The following PPARGC1A variants were observed in gnomAD, a reference collection of about 807,000 sequenced individuals.
The protein encoded by PPARGC1A is peroxisome proliferator-activated receptor gamma coactivator 1-alpha.
PPARGC1A carries 25 observed loss-of-function variants against 88.7 expected under a neutral mutation model. That is an observed-to-expected ratio of 0.28 (90% CI 0.21 to 0.39). PPARGC1A has a LOEUF of 0.39. Ranked by LOEUF, PPARGC1A falls within the 10% of genes least tolerant of loss-of-function variation. The pLI, the probability that PPARGC1A is intolerant of heterozygous loss-of-function variation, is 1.00. For synonymous variants in PPARGC1A, 363 were observed against 355.6 expected, an observed-to-expected ratio of 1.02 and a Z score of -0.24; for missense variants, 880 against 968.7, an observed-to-expected ratio of 0.91 and a Z score of 1.22.
chr4:24,138,207 C>A, the PPARGC1A span, among the ~76,000 whole-genome samples: 1 of 152,202 alleles, frequency 6.6e-6, no homozygotes, highest in Non-Finnish European at 1.5e-5. Context: ...GACAGGGCCA[C>A]CTGGTCATGC....
chr4:24,295,857 A>T, the PPARGC1A span, among the ~76,000 whole-genome samples: 6 of 151,298 alleles, frequency 4.0e-5, no homozygotes, highest in Admixed American at 1.3e-4. Context: ...TGACATTGTC[A>T]TCAAGAATGT....
intron 2 of PPARGC1A, chr4:23,866,122 C>A (rs1435307017): frequency 6.6e-6 from 1 of 152,162 alleles, no homozygotes; most frequent in Non-Finnish European, 1.5e-5. Flanking sequence ...CCAGGAATAG[C>A]CAGCCTAGTG....
the PPARGC1A span, among the ~76,000 whole-genome samples, chr4:24,417,091 A>G: frequency 6.6e-6 from 1 of 152,018 alleles, no homozygotes; most frequent in African/African-American, 2.4e-5. Context: ...CTCAAGTAAC[A>G]GTGACAACTG....
the PPARGC1A span, among the ~76,000 whole-genome samples, chr4:24,436,398 G>A: frequency 3.9e-5 from 6 of 152,352 alleles, no homozygotes; most frequent in African/African-American, 9.6e-5. Flanking sequence ...GGTGGCCAAC[G>A]AGTTGACATC....
Position 23,828,617 on chromosome 4 carries a change from G to A in PPARGC1A, c.553-13C>T. 6.2e-7 allele frequency: 1 copy of A among 1,612,804 alleles called. No individual in the cohort carries two copies. Among genetic ancestry groups the A allele is most frequent in the East Asian group, 2.2e-5 (1 of 44,858 alleles). On this transcript the variant is annotated splice_polypyrimidine_tract_variant and intron_variant, in intron 4 of 12. Transcript: ENST00000264867. ...ATGAATTCTCAGTCTTAAAAACAAG[G>A]CATAAAGAAAGCTAAAATTAGTGAA... is the stretch of plus-strand genomic sequence containing the variant.
chr4:23,936,732 G>A, the PPARGC1A span, among the ~76,000 whole-genome samples: 8 of 152,062 alleles, frequency 5.3e-5, no homozygotes, highest in African/African-American at 1.9e-4. Context: ...TTAACTAGGC[G>A]TCTTGGTGCG....
At chr4:24,068,664 C>A in the PPARGC1A span, among the ~76,000 whole-genome samples, 2 of 152,150 alleles carry the variant, frequency 1.3e-5, no homozygotes, top group African/African-American at 2.4e-5. Flanking sequence ...TCACACAGAC[C>A]TGGCCTAAAT....
At chr4:24,350,162 G>A in the PPARGC1A span, among the ~76,000 whole-genome samples, 4 of 152,214 alleles carry the variant, frequency 2.6e-5, no homozygotes, top group African/African-American at 7.2e-5. Flanking sequence ...TGTCTCCCAG[G>A]AGCAGTCTGC....
intron 2 of PPARGC1A, among the ~76,000 whole-genome samples, chr4:23,873,529 T>A (rs1471447140): frequency 1.3e-5 from 2 of 152,112 alleles, no homozygotes; most frequent in Non-Finnish European, 2.9e-5. Flanking sequence ...GGTCTCTGAG[T>A]TTCTCCGTAG....
chr4:23,894,951 T>A (rs770105392), upstream of PPARGC1A, among the ~76,000 whole-genome samples: 1 of 152,148 alleles, frequency 6.6e-6, no homozygotes, highest in African/African-American at 2.4e-5. Context: ...CAATAAATGT[T>A]CAATAGGATT....
At chr4:24,102,227 A>G in the PPARGC1A span, among the ~76,000 whole-genome samples, 1 of 152,328 alleles carries the variant, frequency 6.6e-6, no homozygotes, top group Middle Eastern at 3.4e-3. Flanking sequence ...AGTTTCTAAA[A>G]TGTTTCACTT....
At chr4:24,331,935 G>T in the PPARGC1A span, among the ~76,000 whole-genome samples, 1 of 150,916 alleles carries the variant, frequency 6.6e-6, no homozygotes, top group East Asian at 1.9e-4. Flanking sequence ...CCCTCCCCTT[G>T]CCCCCAACCC....
the PPARGC1A span, among the ~76,000 whole-genome samples, chr4:23,909,113 A>G: frequency 2.0e-5 from 3 of 152,264 alleles, no homozygotes; most frequent in East Asian, 3.9e-4. Flanking sequence ...TTGAAAACAG[A>G]TCTAATTAAT....
chr4:24,290,530 C>T, the PPARGC1A span, among the ~76,000 whole-genome samples: 1 of 152,102 alleles, frequency 6.6e-6, no homozygotes, highest in African/African-American at 2.4e-5. Context: ...AAATAAATAA[C>T]ATAAATAATC....
At chr4:24,457,129 G>T in the PPARGC1A span, among the ~76,000 whole-genome samples, 1 of 152,168 alleles carries the variant, frequency 6.6e-6, no homozygotes, top group African/African-American at 2.4e-5. Context: ...CAGGATTATG[G>T]CAAAGGAATG....
the PPARGC1A span, among the ~76,000 whole-genome samples, chr4:24,350,844 CCATGGCTGGGCAT>C: frequency 1.4e-4 from 21 of 152,114 alleles, no homozygotes; most frequent in African/African-American, 4.8e-5. Context: ...AAGTCAGACT[CCATGGCTGGGCAT>C]CATGGCTCAC....
chr4:24,143,890 C>G, the PPARGC1A span, among the ~76,000 whole-genome samples: 1 of 152,212 alleles, frequency 6.6e-6, no homozygotes, highest in East Asian at 1.9e-4. Flanking sequence ...TTTCAGGAAC[C>G]TGGCAGTCTT....
the PPARGC1A span, among the ~76,000 whole-genome samples, chr4:24,226,196 T>G: frequency 6.6e-6 from 1 of 152,330 alleles, no homozygotes; most frequent in African/African-American, 2.4e-5. Flanking sequence ...GTCTTAAATG[T>G]GCTCACGTTT....
chr4:23,821,435 C>A lies in PPARGC1A; in HGVS notation c.877+2845G>T, dbSNP rs370436093. On this transcript the variant is annotated intron_variant, in intron 7 of 12. Transcript: ENST00000264867. ...CTTGATTTGGTAAATTCCATACCTA[C>A]ACCAAAAGCAGTATTTGTTCAATTT... 2.6e-5 allele frequency among the ~76,000 whole-genome samples: 4 copies of A among 151,964 alleles called. No homozygotes were observed. In the East Asian group the frequency reaches 7.8e-4, roughly 29 times the overall value.
Sources: allele counts gnomAD v4.1 joint callset (sites outside exome capture counted in the v4.1 genomes callset), GRCh38; gene constraint gnomAD v4.1.1; transcripts MANE v1.5; gene names NCBI Gene and HGNC (gene_info 2026-07-23, HGNC 2026-07-21).